The following PRH1 variants were observed in gnomAD, a reference collection of about 807,000 sequenced individuals.
PRH1 encodes the protein proline rich protein HaeIII subfamily 1.
A neutral mutation model predicts 7.9 loss-of-function variants in PRH1; 7 were observed. The ratio of observed to expected loss-of-function variants is 0.89; its 90% CI spans 0.50 to 1.67. PRH1 has a LOEUF of 1.67. PRH1 is among the 40% of genes most tolerant of loss of function. The pLI is 0.00. For synonymous variants in PRH1, 45 were observed against 80.8 expected (o/e 0.56, Z 2.38); for missense variants, 109 against 223.6 (o/e 0.49, Z 3.27).
At chr12:10,934,101 C>T (rs1388765109) in intron 2 of PRH1, among the ~76,000 whole-genome samples, 1 of 152,118 alleles carries the variant, frequency 6.6e-6, no homozygotes, top group African/African-American at 2.4e-5. Flanking sequence ...TGATTATTCA[C>T]AAAGGAACCA....
At chr12:11,137,504 C>T (rs1946589855) in intron 1 of PRH1, among the ~76,000 whole-genome samples, 1 of 152,188 alleles carries the variant, frequency 6.6e-6, no homozygotes, top group Non-Finnish European at 1.5e-5. Flanking sequence ...CTAAAACTCT[C>T]TCTTTAGAAA....
upstream of PRH1, chr12:10,884,312 C>T: frequency 6.5e-7 from 1 of 1,547,800 alleles, no homozygotes; most frequent in Admixed American, 1.7e-5. Flanking sequence ...TGCATTTGAG[C>T]TCCCTACCAG....
At chr12:11,037,517 G>A (rs1397050183) in intron 1 of PRH1, among the ~76,000 whole-genome samples, 1 of 152,204 alleles carries the variant, frequency 6.6e-6, no homozygotes, top group Non-Finnish European at 1.5e-5. Flanking sequence ...ATTTCATTTA[G>A]AGACACATTT....
intron 1 of PRH1, chr12:11,097,208 T>C (rs1945095271): frequency 1.2e-5 from 3 of 252,408 alleles, no homozygotes; most frequent in South Asian, 2.6e-5. Flanking sequence ...GGACATCTGA[T>C]ATAAGTAGAC....
At chr12:11,029,132 A>G (rs1942057281) in intron 1 of PRH1, among the ~76,000 whole-genome samples, 1 of 152,266 alleles carries the variant, frequency 6.6e-6, no homozygotes, top group Non-Finnish European at 1.5e-5. Flanking sequence ...AAAAATACAC[A>G]AATCAGGTGG....
intron 1 of PRH1, chr12:11,061,595 A>C (rs748489547): frequency 1.2e-5 from 19 of 1,614,100 alleles, no homozygotes; most frequent in Non-Finnish European, 1.5e-5. Context: ...AACAAGAGGA[A>C]GGAGGTCACA....
chr12:10,935,824 G>A (rs1266299005), intron 2 of PRH1, among the ~76,000 whole-genome samples: 2 of 152,116 alleles, frequency 1.3e-5, no homozygotes, highest in African/African-American at 2.4e-5. Flanking sequence ...TATGATCCTC[G>A]AATTTGGAGG....
At chr12:10,949,800 C>T (rs904070086) in intron 2 of PRH1, among the ~76,000 whole-genome samples, 4 of 152,040 alleles carry the variant, frequency 2.6e-5, no homozygotes, top group Admixed American at 1.3e-4. Flanking sequence ...GCCAAAAATC[C>T]AGACACTCCC....
At position 11,091,115 on chromosome 12, in the gene PRH1, CATATATATAT is replaced by C. The variant is rs1555163213; in HGVS notation, n.124-43937_124-43928del. Among the ~76,000 whole-genome samples, 8 of 25,126 alleles carry C rather than the reference CATATATATAT, an allele frequency of 3.2e-4. 4 individuals carry two copies. Among genetic ancestry groups the C allele is most frequent in the South Asian group, 3.8e-3 (2 of 530 alleles). The allele number at this position is 25,126 out of a possible 152,430, so 16.5% of individuals were successfully genotyped here. On this transcript the variant is annotated intron_variant and non_coding_transcript_variant, in intron 1 of 4. Transcript: ENST00000541977. The stretch of plus-strand genomic sequence containing the variant: ...ACACAAATACACACACACACACACA[CATATATATAT>C]ATATATATATATATATATTTTCTAG...
At chr12:11,132,066 A>C (rs766444867) in intron 1 of PRH1, among the ~76,000 whole-genome samples, 1 of 152,252 alleles carries the variant, frequency 6.6e-6, no homozygotes, top group Non-Finnish European at 1.5e-5. Flanking sequence ...ATTTATCTTA[A>C]GGTCTGAACA....
At chr12:10,961,590 C>G (rs978366566) in intron 2 of PRH1, among the ~76,000 whole-genome samples, 1 of 152,140 alleles carries the variant, frequency 6.6e-6, no homozygotes, top group African/African-American at 2.4e-5. Context: ...GTCACTTATT[C>G]TCTAGGCCAG....
rs554615418 is a variant in PRH1, at chr12:11,066,640, T to G, written n.124-19452A>C. Among the ~76,000 whole-genome samples the G allele has an allele frequency of 3.7e-3, 564 of 151,528 alleles. 7 individuals carry two copies. Among genetic ancestry groups the G allele is most frequent in the African/African-American group, 0.013 (534 of 41,308 alleles). ...TATATCATTTAATGAGATAGATGTATATATAGATGATGATGATAATAATTA... is the reference window on the plus strand; with the variant it reads ...TATATCATTTAATGAGATAGATGTAGATATAGATGATGATGATAATAATTA... On this transcript the variant is annotated intron_variant and non_coding_transcript_variant, in intron 1 of 4. Transcript: ENST00000541977.
chr12:10,965,696 T>C (rs773005404), intron 2 of PRH1, among the ~76,000 whole-genome samples: 1 of 152,226 alleles, frequency 6.6e-6, no homozygotes, highest in African/African-American at 2.4e-5. Context: ...TCTTTCAGTG[T>C]TTTGCAATGT....
At chr12:10,891,281 T>C (rs1469836820) in intron 2 of PRH1, among the ~76,000 whole-genome samples, 1 of 152,204 alleles carries the variant, frequency 6.6e-6, no homozygotes, top group Non-Finnish European at 1.5e-5. Flanking sequence ...GGGAGATCCT[T>C]AATCTTTTCA....
intron 1 of PRH1, among the ~76,000 whole-genome samples, chr12:11,069,205 C>G (rs79505617): frequency 0.53 from 63,509 of 119,866 alleles, 13,842 homozygotes; most frequent in Non-Finnish European, 0.61. Flanking sequence ...GCTTGAGCCA[C>G]AGCATCCAAC....
chr12:10,949,995 T>A (rs548227877), intron 2 of PRH1, among the ~76,000 whole-genome samples: 2 of 152,316 alleles, frequency 1.3e-5, no homozygotes, highest in South Asian at 4.1e-4. Flanking sequence ...ATTTTTTCAA[T>A]ATTGATAATT....
chr12:10,938,912 A>C, intron 2 of PRH1: 16 of 1,614,052 alleles, frequency 9.9e-6, no homozygotes, highest in Non-Finnish European at 1.4e-5. Flanking sequence ...GCCTGTAGCT[A>C]ACCAGACACT....
At chr12:11,140,405 A>C (rs373697571) in intron 1 of PRH1, among the ~76,000 whole-genome samples, 2 of 152,154 alleles carry the variant, frequency 1.3e-5, no homozygotes, top group African/African-American at 4.8e-5. Flanking sequence ...GAATGTTTTA[A>C]AAAGTAGGCC....
chr12:11,053,150 A>G (rs1237258387), intron 1 of PRH1, among the ~76,000 whole-genome samples: 5 of 152,284 alleles, frequency 3.3e-5, no homozygotes, highest in African/African-American at 1.2e-4. Context: ...AAAGAGCAGC[A>G]CTGGATTTCA....
Sources: gnomAD v4.1 joint callset for allele counts (sites outside exome capture counted in the v4.1 genomes callset) on GRCh38, gnomAD v4.1.1 for gene constraint, MANE v1.5 for transcripts, NCBI Gene and HGNC (gene_info 2026-07-23, HGNC 2026-07-21) for gene names.